The following COX4I2 variants were observed in gnomAD, a reference collection of about 807,000 sequenced individuals.
COX4I2 encodes the protein cytochrome c oxidase subunit 4 isoform 2, mitochondrial.
A neutral mutation model predicts 20.8 loss-of-function variants in COX4I2; 15 were observed. That is an observed-to-expected ratio of 0.72 (90% CI 0.48 to 1.11). The LOEUF (loss-of-function observed/expected upper bound fraction) is 1.11. COX4I2 is among the 50% of genes most tolerant of loss of function. The pLI is 0.00. For synonymous variants in COX4I2, 80 were observed against 78.1 expected (o/e 1.02, Z -0.13); for missense variants, 224 against 223.0 (o/e 1.00, Z -0.03).
rs1198479276 is a variant in COX4I2, at chr20:31,643,448, C to T, written c.292C>T (p.Arg98Cys). 6.8e-6 allele frequency: 11 copies of T among 1,614,180 alleles called. No individual in the cohort carries two copies. Among genetic ancestry groups the T allele is most frequent in the African/African-American group, 2.7e-5 (2 of 75,046 alleles). ...FNETFAEMNR[R>C]SNEWKTVMGC... ...TGAGACCTTTGCGGAGATGAACCGT[C>T]GCTCCAATGAGTGGAAGACAGTGAT... The change falls in exon 4 of 5, where the codon CGC (arginine) becomes TGC (cysteine). Residue 98 changes from arginine to cysteine, a missense_variant. By Grantham distance (180) the Arg-to-Cys change is radical (BLOSUM62 -3). Transcript: ENST00000376075.
At chr20:31,639,538 C>T (rs1316935735) in intron 2 of COX4I2, among the ~76,000 whole-genome samples, 1 of 150,226 alleles carries the variant, frequency 6.7e-6, no homozygotes, top group Non-Finnish European at 1.5e-5. Context: ...TTACTAGTAC[C>T]CCAAGCTATT....
intron 3 of COX4I2, among the ~76,000 whole-genome samples, chr20:31,640,799 A>G (rs1568832795): frequency 6.6e-6 from 1 of 152,118 alleles, no homozygotes; most frequent in Non-Finnish European, 1.5e-5. Flanking sequence ...CATGCTTCTC[A>G]CATTCATTCA....
At chr20:31,638,675 G>A (rs1025526175) in intron 1 of COX4I2, among the ~76,000 whole-genome samples, 3 of 152,008 alleles carry the variant, frequency 2.0e-5, no homozygotes, top group Non-Finnish European at 4.4e-5. Context: ...ACAAGTGAGC[G>A]GGGTTCTCCA....
At chr20:31,638,476 T>TC (rs146812751) in intron 1 of COX4I2, among the ~76,000 whole-genome samples, 150,189 of 150,280 alleles carry the variant, frequency 1, 75,049 homozygotes, top group Middle Eastern at 1. Flanking sequence ...CTAAGCCCAG[T>TC]CCCCACCCCA....
At chr20:31,638,949 T>G in intron 1 of COX4I2, 69 bp from the exon 2 acceptor site, 1 of 1,481,034 alleles carries the variant, frequency 6.8e-7, no homozygotes, top group East Asian at 2.4e-5. Flanking sequence ...GATTTTTCCA[T>G]CTGGCCCTGC....
intron 3 of COX4I2, 140 bp downstream of exon 3, chr20:31,640,237 G>C (rs2122325591): frequency 2.3e-6 from 2 of 856,020 alleles, no homozygotes; most frequent in East Asian, 5.3e-5. Context: ...TGAAGTTCAT[G>C]CCTTTGTTCG....
At position 31,644,920 on chromosome 20, in the gene COX4I2, G is replaced by A; in HGVS notation, c.*16G>A. 1 of 1,612,366 alleles carries A rather than the reference G, an allele frequency of 6.2e-7. No individual in the cohort carries two copies. Among genetic ancestry groups the A allele is most frequent in the South Asian group, 1.1e-5 (1 of 90,848 alleles). ...GAAGAAGTGACTTGCATCCCCAGCT[G>A]TCTCCCTGAGGCTCCGCCCTGGCTG... is the stretch of plus-strand genomic sequence containing the variant. On this transcript the variant is annotated 3_prime_UTR_variant, in exon 5 of 5. Transcript: ENST00000376075.
At chr20:31,641,131 T>C (rs1054055855) in intron 3 of COX4I2, among the ~76,000 whole-genome samples, 3 of 151,478 alleles carry the variant, frequency 2.0e-5, no homozygotes, top group Non-Finnish European at 4.4e-5. Context: ...TGTATACATA[T>C]GTAACAAACC....
intron 3 of COX4I2, 72 bp downstream of exon 3, chr20:31,640,169 G>A: frequency 1.3e-6 from 2 of 1,500,860 alleles, no homozygotes; most frequent in South Asian, 2.4e-5. Context: ...GCCTGTCAGG[G>A]ATCAGAGGGC....
chr20:31,640,244 T>C (rs1455386885), intron 3 of COX4I2, 147 bp downstream of exon 3: 8 of 815,580 alleles, frequency 9.8e-6, no homozygotes, highest in Non-Finnish European at 9.6e-6. Context: ...CATGCCTTTG[T>C]TCGTTTCTTT....
intron 4 of COX4I2, among the ~76,000 whole-genome samples, chr20:31,643,968 G>C (rs1368466440): frequency 6.6e-6 from 1 of 152,010 alleles, no homozygotes; most frequent in African/African-American, 2.4e-5. Context: ...GTGCCACCAC[G>C]CCCGGCTAAT....
At chr20:31,639,875 TTAGAGA>T in intron 2 of COX4I2, 52 bp from the exon 3 acceptor site, 2 of 1,594,192 alleles carry the variant, frequency 1.3e-6, no homozygotes, top group Non-Finnish European at 1.7e-6. Flanking sequence ...ATTAATATAG[TTAGAGA>T]TAGGGTGTCC....
At position 31,643,461 on chromosome 20, in the gene COX4I2, G is replaced by A. The variant is rs1190129529; in HGVS notation, c.305G>A (p.Trp102Ter). Residue 102 changes from tryptophan to a stop codon, truncating the protein, a stop_gained, in exon 4 of 5, where the codon TGG becomes TAG. Coordinates refer to ENST00000376075, the MANE Select transcript of COX4I2 (RefSeq NM_032609.3). LOFTEE classifies it high-confidence loss of function. ...GAGATGAACCGTCGCTCCAATGAGT[G>A]GAAGACAGTGATGGGTTGTGTCTTC... ...FAEMNRRSNEWKTVMGCVFFF... is the reference protein window; with the variant it reads ...FAEMNRRSNE 6.2e-7 allele frequency: 1 copy of A among 1,614,052 alleles called. No individual in the cohort carries two copies. Among genetic ancestry groups the A allele is most frequent in the African/African-American group, 1.3e-5 (1 of 74,928 alleles).
chr20:31,641,016 A>G (rs1270448393), intron 3 of COX4I2, among the ~76,000 whole-genome samples: 1 of 149,044 alleles, frequency 6.7e-6, no homozygotes. Flanking sequence ...TTCTTCATCC[A>G]TTTCAGAAAT....
At chr20:31,644,046 A>G (rs1307227506) in intron 4 of COX4I2, among the ~76,000 whole-genome samples, 6 of 152,118 alleles carry the variant, frequency 3.9e-5, no homozygotes. Context: ...CCTGACCTCA[A>G]GTGATCCGCC....
Position 31,643,446 on chromosome 20 carries a change from G to A in COX4I2, c.290G>A (p.Arg97His), listed in dbSNP as rs748714176. The A allele has an allele frequency of 6.2e-6, 10 of 1,614,072 alleles. No individual in the cohort carries two copies. Among genetic ancestry groups the A allele is most frequent in the African/African-American group, 4.0e-5 (3 of 74,922 alleles). ...QFNETFAEMN[R>H]RSNEWKTVMG... is the part of the protein sequence containing the mutation. ...AATGAGACCTTTGCGGAGATGAACC[G>A]TCGCTCCAATGAGTGGAAGACAGTG... Residue 97 changes from arginine (R) to histidine (H), a missense_variant, in exon 4 of 5, where the codon CGT (arginine) becomes CAT (histidine). Physicochemically the swap from Arg to His is conservative, Grantham distance 29. Transcript: ENST00000376075.
chr20:31,638,839 C>T (rs897825339), intron 1 of COX4I2, among the ~76,000 whole-genome samples, 179 bp from the exon 2 acceptor site: 1 of 152,136 alleles, frequency 6.6e-6, no homozygotes, highest in Non-Finnish European at 1.5e-5. Flanking sequence ...CCCCCATTGG[C>T]CCCCCGCTGG....
At chr20:31,644,733 G>A in intron 4 of COX4I2, 35 bp from the exon 5 acceptor site, 1 of 1,613,314 alleles carries the variant, frequency 6.2e-7, no homozygotes, top group Non-Finnish European at 8.5e-7. Flanking sequence ...AGGAAGACTG[G>A]CAGGATCCTG....
At position 31,644,851 on chromosome 20, in the gene COX4I2, G is replaced by C. The variant is rs886056575; in HGVS notation, c.463G>C (p.Val155Leu). The C allele has an allele frequency of 6.2e-7, 1 of 1,614,076 alleles. No homozygotes were observed. ...CATGCTGGACATGAAGGTGAATCCT[G>C]TGCAGGGCCTGGCCTCCCGCTGGGA... is the stretch of plus-strand genomic sequence containing the variant. ...QRMLDMKVNP[V>L]QGLASRWDYE... Residue 155 changes from valine to leucine, a missense_variant, in exon 5 of 5, where the codon GTG (valine) becomes CTG (leucine). Transcript: ENST00000376075.
Sources: gnomAD v4.1 joint callset for allele counts (sites outside exome capture counted in the v4.1 genomes callset) on GRCh38, gnomAD v4.1.1 for gene constraint, MANE v1.5 for transcripts, NCBI Gene and HGNC (gene_info 2026-07-23, HGNC 2026-07-21) for gene names.